Variants in COG5 observed in about 807,000 individuals in gnomAD.
COG5 encodes conserved oligomeric Golgi complex subunit 5.
In COG5, 86 loss-of-function variants were observed where a neutral mutation model predicts 110.4. The ratio of observed to expected loss-of-function variants is 0.78; its 90% CI spans 0.65 to 0.93. The LOEUF (loss-of-function observed/expected upper bound fraction) is 0.93, where lower values mean the gene tolerates loss of function less well. Ranked by LOEUF, COG5 falls within the 40% of genes least tolerant of loss-of-function variation. COG5 has a pLI of 0.00. For synonymous variants in COG5, 360 were observed against 334.6 expected, an observed-to-expected ratio of 1.08 and a Z score of -0.83; for missense variants, 1,077 against 987.0, an observed-to-expected ratio of 1.09 and a Z score of -1.22.
At chr7:107,350,520 T>C (rs1429568671) in intron 10 of COG5, among the ~76,000 whole-genome samples, 1 of 152,216 alleles carries the variant, frequency 6.6e-6, no homozygotes, top group Non-Finnish European at 1.5e-5. Context: ...CTGAAATCCA[T>C]AGCATCCTTG....
At chr7:107,555,003 T>A (rs1193289366) in intron 2 of COG5, among the ~76,000 whole-genome samples, 1 of 152,198 alleles carries the variant, frequency 6.6e-6, no homozygotes, top group African/African-American at 2.4e-5. Flanking sequence ...GTTTTCCCTT[T>A]AAAGAACATT....
chr7:107,376,880 C>T (rs1814683157), intron 7 of COG5, among the ~76,000 whole-genome samples: 1 of 151,708 alleles, frequency 6.6e-6, no homozygotes, highest in Non-Finnish European at 1.5e-5. Context: ...AATAATTTTC[C>T]CCCTTTACTT....
chr7:107,202,521 T>TATC lies in COG5; in HGVS notation c.*992_*994dup, dbSNP rs958874260. 4.6e-5 allele frequency: 7 copies of TATC among 152,376 alleles called. No homozygotes were observed. The highest frequency in any genetic ancestry group is 7.4e-5 in the Non-Finnish European group (5 of 67,966). 9.4% of individuals were successfully genotyped at this position (152,376 alleles called of 1,614,324 possible). ...CAAATAAATGGAAAAAAAAGTTGCT[T>TATC]ATCTCTGACGTCTACTGATTGATTG... is the stretch of plus-strand genomic sequence containing the variant. On this transcript the variant is annotated 3_prime_UTR_variant, in exon 22 of 22. Transcript: ENST00000297135.
intron 10 of COG5, among the ~76,000 whole-genome samples, chr7:107,350,358 G>A (rs181683985): frequency 1.6e-4 from 25 of 151,640 alleles, no homozygotes; most frequent in East Asian, 7.8e-4. Flanking sequence ...CTTTTATTTC[G>A]ACAACTTGAT....
chr7:107,298,062 TAAAATA>T, intron 12 of COG5, 74 bp downstream of exon 12: 2 of 632,352 alleles, frequency 3.2e-6, no homozygotes, highest in Non-Finnish European at 4.7e-6. Flanking sequence ...ATTTATAATT[TAAAATA>T]AAAATAAAAG....
chr7:107,310,133 T>G (rs1469542222), intron 11 of COG5, among the ~76,000 whole-genome samples: 2 of 152,200 alleles, frequency 1.3e-5, no homozygotes, highest in Non-Finnish European at 2.9e-5. Context: ...TAGCTGCATG[T>G]GCCACTCTCC....
intron 3 of COG5, chr7:107,549,189 T>G (rs1802694390): frequency 6.6e-6 from 1 of 152,176 alleles, no homozygotes; most frequent in African/African-American, 2.4e-5. Context: ...TACACTGCCA[T>G]TACTTATAAC....
chr7:107,360,180 A>G (rs1812987885), intron 10 of COG5, among the ~76,000 whole-genome samples: 1 of 152,198 alleles, frequency 6.6e-6, no homozygotes, highest in African/African-American at 2.4e-5. Context: ...GGCTGCACAG[A>G]CATCAGGATG....
chr7:107,242,749 G>GGGCCCACAGCATAGACACTCCTTGCTA (rs1801743643), intron 17 of COG5, among the ~76,000 whole-genome samples: 1 of 152,116 alleles, frequency 6.6e-6, no homozygotes, highest in Non-Finnish European at 1.5e-5. Flanking sequence ...CCCCTGGCTT[G>GGGCCCACAGCATAGACACTCCTTGCTA]GGCCCACAGC....
intron 6 of COG5, among the ~76,000 whole-genome samples, chr7:107,446,682 C>T (rs957858209): frequency 2.0e-5 from 3 of 152,190 alleles, no homozygotes; most frequent in African/African-American, 2.4e-5. Flanking sequence ...ATGCACAGCC[C>T]TGGAAAGAGG....
intron 13 of COG5, among the ~76,000 whole-genome samples, chr7:107,281,724 T>C (rs373832089): frequency 3.9e-5 from 6 of 152,246 alleles, no homozygotes; most frequent in South Asian, 2.1e-4. Flanking sequence ...AGCAGAGGCA[T>C]TGCATATCAC....
chr7:107,400,220 G>A (rs1791324011), intron 7 of COG5, among the ~76,000 whole-genome samples: 1 of 152,044 alleles, frequency 6.6e-6, no homozygotes, highest in Non-Finnish European at 1.5e-5. Context: ...CATAATAAAA[G>A]AGGAACAAAT....
intron 6 of COG5, among the ~76,000 whole-genome samples, chr7:107,504,142 A>G (rs1584904462): frequency 6.6e-6 from 1 of 152,006 alleles, no homozygotes; most frequent in African/African-American, 2.4e-5. Context: ...TTTGTCATAT[A>G]TGGCTTTTAT....
intron 5 of COG5, among the ~76,000 whole-genome samples, chr7:107,540,622 AAAG>A (rs909868123): frequency 2.0e-5 from 3 of 150,862 alleles, no homozygotes; most frequent in African/African-American, 7.3e-5. Flanking sequence ...ATAAAAAAAA[AAAG>A]ATCAAACTGA....
chr7:107,384,521 T>C (rs1341563583), intron 7 of COG5, among the ~76,000 whole-genome samples: 1 of 152,118 alleles, frequency 6.6e-6, no homozygotes, highest in Non-Finnish European at 1.5e-5. Context: ...GTTTTCCCCC[T>C]TTTCCCCCAG....
intron 6 of COG5, among the ~76,000 whole-genome samples, chr7:107,517,731 T>G (rs572828228): frequency 6.7e-6 from 1 of 150,154 alleles, no homozygotes; most frequent in Non-Finnish European, 1.5e-5. Context: ...GGAGTCTCAC[T>G]CTGTCGCCCA....
At chr7:107,393,790 G>A (rs117577748) in intron 7 of COG5, among the ~76,000 whole-genome samples, 1,769 of 152,158 alleles carry the variant, frequency 0.012, 14 homozygotes, top group Non-Finnish European at 0.018. Flanking sequence ...CAAAAGTTGC[G>A]CTATCTTCTA....
intron 3 of COG5, among the ~76,000 whole-genome samples, chr7:107,553,760 C>T (rs1393884422): frequency 6.6e-6 from 1 of 152,084 alleles, no homozygotes; most frequent in African/African-American, 2.4e-5. Flanking sequence ...GCAAAAAAGG[C>T]TCCAAGAAAG....
At position 107,362,399 on chromosome 7, in the gene COG5, A is replaced by G; in HGVS notation, c.857T>C (p.Met286Thr). 3 of 1,613,936 alleles carry G rather than the reference A, an allele frequency of 1.9e-6. No individual in the cohort carries two copies. The South Asian group carries it at 3.3e-5, about 18-fold the overall frequency. The change falls in exon 9 of 22, where the codon ATG becomes ACG. Residue 286 changes from methionine to threonine, a missense_variant. Physicochemically the swap from Met to Thr is moderately conservative, Grantham distance 81. Coordinates refer to ENST00000297135, the MANE Select transcript of COG5 (RefSeq NM_006348.5). ...AVRGGPGRST[M>T]PTPGNTAALR... ...AGCTGCAGTATTTCCTGGGGTTGGC[A>G]TGGTAGATCGTCCAGGTCCCCCTGG...
Sources: gnomAD v4.1 joint callset for allele counts (sites outside exome capture counted in the v4.1 genomes callset) on GRCh38, gnomAD v4.1.1 for gene constraint, MANE v1.5 for transcripts, NCBI Gene and HGNC (gene_info 2026-07-23, HGNC 2026-07-21) for gene names.